VPS9D1: variants seen among roughly 807,000 people sequenced by gnomAD.
The protein encoded by VPS9D1 is VPS9 domain containing 1.
VPS9D1 carries 78 observed loss-of-function variants against 75.8 expected under a neutral mutation model. The observed-to-expected ratio is 1.03, with a 90% CI of 0.86 to 1.24. The LOEUF (loss-of-function observed/expected upper bound fraction) is 1.24, where lower values mean the gene tolerates loss of function less well. VPS9D1 is among the 50% of genes most tolerant of loss of function. The pLI is 0.00. For synonymous variants in VPS9D1, 481 were observed against 385.6 expected (o/e 1.25, Z -2.90); for missense variants, 1,057 against 847.7 (o/e 1.25, Z -3.07).
rs1376805550 is a variant in VPS9D1 at position 89,717,248 on chromosome 16, GA to G, written c.176-427del. On this transcript the variant is annotated intron_variant, in intron 2 of 14. Transcript: ENST00000389386. ...ATCATCTGCCCTGGTTTTGCCTCCT[GA>G]GTCTGCTAAGGCTGTGGGCCCCTCA... is the stretch of plus-strand genomic sequence containing the variant. 8.2e-5 allele frequency: 23 copies of G among 280,054 alleles called. No homozygotes were observed. In the East Asian group the frequency reaches 1.7e-3, roughly 21 times the overall value. The allele number at this position is 280,054 out of a possible 1,614,324, so 17.3% of individuals were successfully genotyped here.
chr16:89,711,754 T>C (rs1196845990), intron 8 of VPS9D1, 128 bp downstream of exon 8: 5 of 1,143,608 alleles, frequency 4.4e-6, no homozygotes, highest in African/African-American at 1.6e-5. Context: ...CACGGGCCTC[T>C]GGCCCCGCCC....
chr16:89,712,460 T>C lies in VPS9D1; in HGVS notation c.606A>G (p.Thr202=), dbSNP rs1468895306. The change falls in exon 6 of 15, where the codon ACA becomes ACG. Residue 202 remains threonine, a splice_region_variant and synonymous_variant. Coordinates refer to ENST00000389386, the MANE Select transcript of VPS9D1 (RefSeq NM_004913.3). The part of the protein sequence containing the change: ...NLVIAKAREE[T]LQRKMEERRL... ...CCACCAGGGCGGTCAGAAAGGCTGC[T>C]GTCTCCTCCCGGGCTTTGGCAATCA... 1.2e-6 allele frequency: 2 copies of C among 1,613,198 alleles called. No individual in the cohort carries two copies. Among genetic ancestry groups the C allele is most frequent in the South Asian group, 1.1e-5 (1 of 91,082 alleles).
At chr16:89,709,650 A>G (rs1687692299) in intron 11 of VPS9D1, 127 bp downstream of exon 11, 1 of 1,476,524 alleles carries the variant, frequency 6.8e-7, no homozygotes, top group African/African-American at 1.4e-5. Context: ...AGCACAGGCT[A>G]GGGGGAGCAA....
chr16:89,707,902 T>A lies in VPS9D1; in HGVS notation c.1855A>T (p.Ser619Cys). 3 of 1,613,126 alleles carry A rather than the reference T, an allele frequency of 1.9e-6. No homozygotes were observed. The highest frequency in any genetic ancestry group is 2.5e-6 in the Non-Finnish European group (3 of 1,179,968). Reference sequence around the variant, plus strand: ...CCCCGGGGCAGCAGCTCCACGTAGCTCAGGGCACTCTGCAGTGATGTGAGG... The same window carrying A: ...CCCCGGGGCAGCAGCTCCACGTAGCACAGGGCACTCTGCAGTGATGTGAGG... ...YCLTSLQSAL[S>C]YVELLPRGGL... is the part of the protein sequence containing the mutation. Residue 619 changes from serine (S) to cysteine (C), a missense_variant, in exon 15 of 15, where the codon AGC becomes TGC. By Grantham distance (112) the Ser-to-Cys change is moderately radical (BLOSUM62 -1). Coordinates refer to ENST00000389386, the MANE Select transcript of VPS9D1 (RefSeq NM_004913.3).
chr16:89,707,893 C>T lies in VPS9D1; in HGVS notation c.1864G>A (p.Glu622Lys), dbSNP rs2060827429. 1 of 1,613,044 alleles carries T rather than the reference C, an allele frequency of 6.2e-7. No homozygotes were observed. Among genetic ancestry groups the T allele is most frequent in the African/African-American group, 1.3e-5 (1 of 74,912 alleles). ...GCCAGGCCTCCCCGGGGCAGCAGCT[C>T]CACGTAGCTCAGGGCACTCTGCAGT... ...TSLQSALSYV[E>K]LLPRGGLAK is the part of the protein sequence containing the mutation. The change falls in exon 15 of 15, where the codon GAG (glutamate) becomes AAG (lysine). Residue 622 changes from glutamate (E) to lysine (K), a missense_variant. Transcript: ENST00000389386.
Position 89,708,840 on chromosome 16 carries a change from G to C in VPS9D1, c.1697+17C>G. On this transcript the variant is annotated intron_variant, in intron 13 of 14. Coordinates refer to ENST00000389386, the MANE Select transcript of VPS9D1 (RefSeq NM_004913.3). ...GGCCCTTCCTCCCTGGCCACACCTC[G>C]CCCTCCTGGGACTCACATGGCAGCT... is the stretch of plus-strand genomic sequence containing the variant. 1 of 1,568,930 alleles carries C rather than the reference G, an allele frequency of 6.4e-7. No homozygotes were observed. The highest frequency in any genetic ancestry group is 8.6e-7 in the Non-Finnish European group (1 of 1,165,230).
chr16:89,719,062 G>C lies in VPS9D1; in HGVS notation c.140C>G (p.Ser47Cys). ...TTCCACTTCTTCTAGTAACACCTGG[G>C]AGATATAGTGGATGCTCCTCAGGTA... is the stretch of plus-strand genomic sequence containing the variant. ...TEYLRSIHYI[S>C]QVLLEEVETT... Residue 47 changes from serine (S) to cysteine (C), a missense_variant, in exon 2 of 15, where the codon TCC becomes TGC. By Grantham distance (112) the Ser-to-Cys change is moderately radical (BLOSUM62 -1). Coordinates refer to ENST00000389386, the MANE Select transcript of VPS9D1 (RefSeq NM_004913.3). The C allele has an allele frequency of 6.2e-7, 1 of 1,613,660 alleles. No homozygotes were observed. Among genetic ancestry groups the C allele is most frequent in the Non-Finnish European group, 8.5e-7 (1 of 1,179,902 alleles).
At position 89,707,878 on chromosome 16, in the gene VPS9D1, C is replaced by T; in HGVS notation, c.1879G>A (p.Gly627Arg). 1 of 1,613,130 alleles carries T rather than the reference C, an allele frequency of 6.2e-7. No individual in the cohort carries two copies. Among genetic ancestry groups the T allele is most frequent in the Non-Finnish European group, 8.5e-7 (1 of 1,179,960 alleles). The change falls in exon 15 of 15, where the codon GGA (glycine) becomes AGA (arginine). Residue 627 changes from glycine to arginine, a missense_variant. Gly to Arg is a moderately radical substitution (Grantham distance 125, BLOSUM62 -2). Coordinates refer to ENST00000389386, the MANE Select transcript of VPS9D1 (RefSeq NM_004913.3). ...TAGCTGTACTACTTGGCCAGGCCTC[C>T]CCGGGGCAGCAGCTCCACGTAGCTC... is the stretch of plus-strand genomic sequence containing the variant. ...ALSYVELLPR[G>R]GLAK
chr16:89,711,717 T>C (rs1476272133), intron 8 of VPS9D1, 165 bp downstream of exon 8: 5 of 866,316 alleles, frequency 5.8e-6, no homozygotes, highest in Admixed American at 3.0e-5. Flanking sequence ...CACGCAGCCC[T>C]GGCCCCGCCC....
At chr16:89,709,657 G>A in intron 11 of VPS9D1, 120 bp downstream of exon 11, 1 of 1,510,638 alleles carries the variant, frequency 6.6e-7, no homozygotes. Context: ...GCTAGGGGGA[G>A]CAAACACGAG....
chr16:89,711,632 C>A, intron 8 of VPS9D1: 2 of 656,146 alleles, frequency 3.0e-6, no homozygotes, highest in Non-Finnish European at 5.1e-6. Flanking sequence ...ACCCTCCCTC[C>A]TCGCAGGGAC....
intron 13 of VPS9D1, 107 bp from the exon 14 acceptor site, chr16:89,708,638 C>T: frequency 7.8e-7 from 1 of 1,278,052 alleles, no homozygotes; most frequent in Non-Finnish European, 1.1e-6. Flanking sequence ...TCTCTGTGCC[C>T]TTCTGCGCAG....
intron 2 of VPS9D1, chr16:89,717,788 C>T (rs1358754116): frequency 2.2e-6 from 1 of 456,588 alleles, no homozygotes; most frequent in African/African-American, 2.0e-5. Flanking sequence ...CTCAGCCGAG[C>T]TCACCGGCTC....
intron 2 of VPS9D1, 184 bp from the exon 3 acceptor site, chr16:89,717,006 A>G (rs1597928391): frequency 3.2e-6 from 1 of 316,886 alleles, no homozygotes; most frequent in Non-Finnish European, 5.1e-6. Context: ...CTGCCCCCCC[A>G]TCCCCTCACC....
At chr16:89,708,269 C>T (rs914581583) in intron 14 of VPS9D1, among the ~76,000 whole-genome samples, 158 bp downstream of exon 14, 1 of 152,238 alleles carries the variant, frequency 6.6e-6, no homozygotes, top group African/African-American at 2.4e-5. Context: ...GCAGCAGGCA[C>T]TCTGCACAGG....
At chr16:89,712,236 G>T in intron 6 of VPS9D1, 137 bp from the exon 7 acceptor site, 2 of 1,386,236 alleles carry the variant, frequency 1.4e-6, no homozygotes, top group Non-Finnish European at 2.0e-6. Flanking sequence ...AGGCTTCTGG[G>T]GCAGAAGGCA....
At chr16:89,712,807 T>G in intron 4 of VPS9D1, 91 bp from the exon 5 acceptor site, 17 of 1,192,418 alleles carry the variant, frequency 1.4e-5, no homozygotes, top group Non-Finnish European at 1.9e-5. Context: ...CGGATTGCTC[T>G]GAGGCCAGGA....
chr16:89,717,502 C>T (rs1474934393), intron 2 of VPS9D1: 1 of 452,992 alleles, frequency 2.2e-6, no homozygotes, highest in Non-Finnish European at 4.5e-6. Context: ...CTTCTGCGCG[C>T]CGTGGGAGCT....
At position 89,708,307 on chromosome 16, in the gene VPS9D1, T is replaced by C. The variant is rs1597899133; in HGVS notation, c.1802+120A>G. 6.1e-6 allele frequency: 6 copies of C among 983,796 alleles called. No individual in the cohort carries two copies. In the East Asian group the frequency reaches 1.6e-4, roughly 26 times the overall value. The allele number at this position is 983,796 out of a possible 1,614,324, so 60.9% of individuals were successfully genotyped here. On this transcript the variant is annotated intron_variant, in intron 14 of 14. Transcript: ENST00000389386. ...GACCCACAGGGGCTGCCCGAAGGCA[T>C]GGCTGTGACGGAGCCACACGCTACC...
Sources: allele counts gnomAD v4.1 joint callset (sites outside exome capture counted in the v4.1 genomes callset), GRCh38; gene constraint gnomAD v4.1.1; transcripts MANE v1.5; gene names NCBI Gene and HGNC (gene_info 2026-07-23, HGNC 2026-07-21).